ZFAND3: variants seen among roughly 807,000 people sequenced by gnomAD.
The protein encoded by ZFAND3 is zinc finger AN1-type containing 3.
In ZFAND3, 10 loss-of-function variants were observed where a neutral mutation model predicts 29.6. The observed-to-expected ratio is 0.34, with a 90% CI of 0.21 to 0.57. The LOEUF is 0.57. Ranked by LOEUF, ZFAND3 falls within the 20% of genes least tolerant of loss-of-function variation. The pLI, the probability that ZFAND3 is intolerant of heterozygous loss-of-function variation, is 0.86. For missense variants in ZFAND3, 230 were observed against 304.5 expected (o/e 0.76, Z 1.82); for synonymous variants, 128 against 112.6 (o/e 1.14, Z -0.87).
At chr6:38,126,896 G>A (rs1320393878) in intron 5 of ZFAND3, among the ~76,000 whole-genome samples, 1 of 150,920 alleles carries the variant, frequency 6.6e-6, no homozygotes, top group Non-Finnish European at 1.5e-5. Flanking sequence ...TATTGTGAGT[G>A]GAATTTAAAA....
At chr6:38,029,878 T>C (rs1010580254) in intron 2 of ZFAND3, among the ~76,000 whole-genome samples, 11 of 152,012 alleles carry the variant, frequency 7.2e-5, no homozygotes, top group Admixed American at 7.2e-4. Flanking sequence ...GTTTTAAGCT[T>C]TTACTGATTA....
Position 38,068,092 on chromosome 6 carries a change from A to G in ZFAND3, c.295+6317A>G, listed in dbSNP as rs1025328196. Among the ~76,000 whole-genome samples the G allele has an allele frequency of 6.6e-5, 10 of 152,170 alleles. No homozygotes were observed. The East Asian group carries it at 1.9e-3, about 29-fold the overall frequency. On this transcript the variant is annotated intron_variant, in intron 3 of 5. Coordinates refer to ENST00000287218, the MANE Select transcript of ZFAND3 (RefSeq NM_021943.3). ...TTAGAGAGTACCTATCTCATACAAA[A>G]CAGTCTTCTAAGCTCTGTGGAGGTA...
At chr6:37,944,395 C>CT in intron 2 of ZFAND3, among the ~76,000 whole-genome samples, 1 of 152,236 alleles carries the variant, frequency 6.6e-6, no homozygotes, top group African/African-American at 2.4e-5. Flanking sequence ...GGAAATGGAT[C>CT]TTTTTTATAG....
At chr6:37,887,373 A>G (rs1765014496) in intron 1 of ZFAND3, among the ~76,000 whole-genome samples, 1 of 152,240 alleles carries the variant, frequency 6.6e-6, no homozygotes, top group South Asian at 2.1e-4. Context: ...AATCATGAGT[A>G]CTTTGTACCA....
At chr6:38,008,225 A>T (rs1763083908) in intron 2 of ZFAND3, among the ~76,000 whole-genome samples, 2 of 152,172 alleles carry the variant, frequency 1.3e-5, no homozygotes, top group Non-Finnish European at 2.9e-5. Context: ...GACTAGCCTT[A>T]AAAAAAGGTA....
At chr6:37,921,406 C>T (rs1328536780) in intron 1 of ZFAND3, among the ~76,000 whole-genome samples, 2 of 149,248 alleles carry the variant, frequency 1.3e-5, no homozygotes, top group Non-Finnish European at 1.5e-5. Flanking sequence ...TTTTCTTGTG[C>T]CCTAGGTTTT....
At chr6:37,862,518 C>T (rs867375412) in intron 1 of ZFAND3, among the ~76,000 whole-genome samples, 1 of 111,608 alleles carries the variant, frequency 9.0e-6, no homozygotes, top group Admixed American at 9.2e-5. Flanking sequence ...CCTATCTTTC[C>T]AAAAAAAAAA....
chr6:37,996,998 A>T (rs1434622544), intron 2 of ZFAND3, among the ~76,000 whole-genome samples: 2 of 152,160 alleles, frequency 1.3e-5, no homozygotes. Context: ...TTTGTAGGAT[A>T]CATTTCCAGG....
intron 5 of ZFAND3, among the ~76,000 whole-genome samples, chr6:38,135,483 G>A (rs539070111): frequency 1.3e-5 from 2 of 152,324 alleles, no homozygotes; most frequent in South Asian, 2.1e-4. Flanking sequence ...GGTGGCTCAC[G>A]CCTGTAATCC....
At chr6:37,967,950 T>G (rs1271459167) in intron 2 of ZFAND3, among the ~76,000 whole-genome samples, 1 of 152,228 alleles carries the variant, frequency 6.6e-6, no homozygotes, top group African/African-American at 2.4e-5. Flanking sequence ...TCCTCTTGTT[T>G]TGGTGTTTTT....
chr6:37,933,204 T>C (rs1761630916), intron 2 of ZFAND3, among the ~76,000 whole-genome samples: 1 of 152,264 alleles, frequency 6.6e-6, no homozygotes, highest in Non-Finnish European at 1.5e-5. Flanking sequence ...AAAATCACTT[T>C]TTAAATAGTT....
At chr6:38,101,518 G>A (rs1452106962) in intron 4 of ZFAND3, among the ~76,000 whole-genome samples, 1 of 152,132 alleles carries the variant, frequency 6.6e-6, no homozygotes, top group Non-Finnish European at 1.5e-5. Context: ...CTTGAGAGCA[G>A]TGAGTCAAAA....
rs181988108 is a variant in ZFAND3, at chr6:37,998,081, A to G, written c.113-63512A>G. ...TGGAAGTAACTAAAGATGTTCTTCA[A>G]TAGGTGAATGGATAAACAAACTGTA... is the stretch of plus-strand genomic sequence containing the variant. On this transcript the variant is annotated intron_variant, in intron 2 of 5. Coordinates refer to ENST00000287218, the MANE Select transcript of ZFAND3 (RefSeq NM_021943.3). Among the ~76,000 whole-genome samples, 483 of 152,374 alleles carry G rather than the reference A, an allele frequency of 3.2e-3. 3 individuals are homozygous for G. Among genetic ancestry groups the G allele is most frequent in the African/African-American group, 0.011 (458 of 41,592 alleles).
chr6:38,077,051 C>T (rs1204817372), intron 3 of ZFAND3, among the ~76,000 whole-genome samples: 1 of 151,246 alleles, frequency 6.6e-6, no homozygotes, highest in Non-Finnish European at 1.5e-5. Context: ...AACATGGACA[C>T]ATCAGGAAAC....
chr6:38,068,927 G>A (rs1764398819), intron 3 of ZFAND3, among the ~76,000 whole-genome samples: 1 of 152,116 alleles, frequency 6.6e-6, no homozygotes, highest in Non-Finnish European at 1.5e-5. Context: ...CTGGTTTCTG[G>A]TGATATCGTA....
At chr6:37,835,349 G>T (rs1356378796) in intron 1 of ZFAND3, among the ~76,000 whole-genome samples, 1 of 151,900 alleles carries the variant, frequency 6.6e-6, no homozygotes, top group Non-Finnish European at 1.5e-5. Context: ...TAGAGACAGG[G>T]TTTCACCATG....
rs70981516 is a variant in ZFAND3 at position 37,983,343 on chromosome 6, C to CTT, written c.112+53373_112+53374dup. On this transcript the variant is annotated intron_variant, in intron 2 of 5. Coordinates refer to ENST00000287218, the MANE Select transcript of ZFAND3 (RefSeq NM_021943.3). ...CCTATACAGGTGTACCAGTTTTTATCTTTTTTTTTTTTTTTTTTTTTTTTT... is the reference window on the plus strand; with the variant it reads ...CCTATACAGGTGTACCAGTTTTTATCTTTTTTTTTTTTTTTTTTTTTTTTTTT... 5.4e-3 allele frequency among the ~76,000 whole-genome samples: 271 copies of CTT among 50,042 alleles called. 14 individuals carry two copies. The highest frequency in any genetic ancestry group is 0.059 in the Middle Eastern group (2 of 34). 32.8% of individuals were successfully genotyped at this position (50,042 alleles called of 152,430 possible).
At chr6:37,833,949 C>T (rs926307667) in intron 1 of ZFAND3, among the ~76,000 whole-genome samples, 5 of 152,090 alleles carry the variant, frequency 3.3e-5, no homozygotes, top group African/African-American at 1.2e-4. Context: ...CACAGCCTCC[C>T]CTACTATCGA....
intron 1 of ZFAND3, among the ~76,000 whole-genome samples, chr6:37,888,516 T>C (rs1291662030): frequency 6.6e-6 from 1 of 152,226 alleles, no homozygotes; most frequent in African/African-American, 2.4e-5. Context: ...ATCCAAATTA[T>C]GTGAAATTAT....
Sources: allele counts gnomAD v4.1 joint callset (sites outside exome capture counted in the v4.1 genomes callset), GRCh38; gene constraint gnomAD v4.1.1; transcripts MANE v1.5; gene names NCBI Gene and HGNC (gene_info 2026-07-23, HGNC 2026-07-21).